The following CMTM4 variants were observed in gnomAD, a reference collection of about 807,000 sequenced individuals.
CMTM4 encodes CKLF like MARVEL transmembrane domain containing 4.
In CMTM4, 8 loss-of-function variants were observed where a neutral mutation model predicts 19.0. The observed-to-expected ratio is 0.42, with a 90% confidence interval of 0.25 to 0.76. The LOEUF (loss-of-function observed/expected upper bound fraction) is 0.76, where lower values mean the gene tolerates loss of function less well. Among genes scored for constraint, CMTM4 ranks in the 30% least tolerant of loss-of-function variants. The probability of loss-of-function intolerance (pLI) is 0.27; values close to 1 mark genes in which losing one functional copy is unlikely to be tolerated. For synonymous variants in CMTM4, 106 were observed against 121.1 expected (o/e 0.88, Z 0.82); for missense variants, 228 against 290.2 (o/e 0.79, Z 1.56).
rs1490926690 is a variant in CMTM4 at position 66,616,022 on chromosome 16, G to T, written c.*6036C>A. ...CAGAGAGGAAAGAGGAATAGCCAGG[G>T]AATTTTTTTTGTTTTTTTTCTTCTT... On this transcript the variant is annotated 3_prime_UTR_variant, in exon 4 of 4. Coordinates refer to ENST00000394106, the MANE Select transcript of CMTM4 (RefSeq NM_181521.3). The T allele has an allele frequency of 6.6e-6, 1 of 151,180 alleles. No homozygotes were observed. Among genetic ancestry groups the T allele is most frequent in the Non-Finnish European group, 1.5e-5 (1 of 67,856 alleles). 9.4% of individuals were successfully genotyped at this position (151,180 alleles called of 1,614,324 possible).
At chr16:66,612,517 T>C, downstream of CMTM4, 1 of 1,382,548 alleles carries the variant, frequency 7.2e-7, no homozygotes, top group Non-Finnish European at 1.0e-6. The surrounding 1 kb of genome is among the most constrained non-coding windows in gnomAD (Gnocchi z 6.0). Flanking sequence ...CCCAGGCTCC[T>C]GCCAGCAACC....
the CMTM4 span, among the ~76,000 whole-genome samples, chr16:66,601,641 C>A: frequency 2.6e-5 from 4 of 152,256 alleles, no homozygotes; most frequent in Admixed American, 2.6e-4. Flanking sequence ...GGACTTGCCC[C>A]CTTCCACCCA....
the CMTM4 span, among the ~76,000 whole-genome samples, chr16:66,602,227 T>A: frequency 6.6e-6 from 1 of 152,130 alleles, no homozygotes. Context: ...CAAAACCCTG[T>A]CTCTACTAAA....
At chr16:66,683,181 G>GTA (rs1555502520) in intron 1 of CMTM4, among the ~76,000 whole-genome samples, 10 of 124,412 alleles carry the variant, frequency 8.0e-5, no homozygotes, top group East Asian at 2.6e-4. Context: ...ATATACATAT[G>GTA]TATATATATA....
the CMTM4 span, chr16:66,608,554 T>C: frequency 1.5e-5 from 20 of 1,341,368 alleles, no homozygotes; most frequent in South Asian, 2.5e-4. This position sits in a 1 kb window ranked among gnomAD's most constrained non-coding sequence, Gnocchi z 5.1. Flanking sequence ...CCTTATCCTT[T>C]CTCTAGTGTG....
At chr16:66,651,992 G>A (rs1045676424) in intron 1 of CMTM4, among the ~76,000 whole-genome samples, 10 of 152,326 alleles carry the variant, frequency 6.6e-5, no homozygotes, top group Non-Finnish European at 1.5e-4. Context: ...CAGTGCCCAA[G>A]CTAGGACCTG....
Position 66,622,683 on chromosome 16 carries a change from T to G in CMTM4, c.463-461A>C, listed in dbSNP as rs989800528. Among the ~76,000 whole-genome samples, 22 of 152,200 alleles carry G rather than the reference T, an allele frequency of 1.4e-4. No homozygotes were observed. Among genetic ancestry groups the G allele is most frequent in the African/African-American group, 4.3e-4 (18 of 41,446 alleles). On this transcript the variant is annotated intron_variant, in intron 3 of 3. Transcript: ENST00000394106. The surrounding 1 kb of genome is among the most constrained non-coding windows in gnomAD (Gnocchi z 4.0). ...ATAGACAGAAAATCAGGGTTTCGCA[T>G]GTGGGTCCCAAATCAAGCCACAGGG... is the stretch of plus-strand genomic sequence containing the variant.
chr16:66,672,713 G>A lies in CMTM4; in HGVS notation c.186+23627C>T, dbSNP rs566860132. Among the ~76,000 whole-genome samples, 133 of 151,818 alleles carry A rather than the reference G, an allele frequency of 8.8e-4. 1 individual carries two copies. Among genetic ancestry groups the A allele is most frequent in the African/African-American group, 2.6e-3 (107 of 41,440 alleles). On this transcript the variant is annotated intron_variant, in intron 1 of 3. Transcript: ENST00000394106. Reference sequence around the variant, plus strand: ...CAACCTCAGCCTCCCCGGTTCAAGCGATTCTCCTGCCTCAGCCTCCCAAGA... The same window carrying A: ...CAACCTCAGCCTCCCCGGTTCAAGCAATTCTCCTGCCTCAGCCTCCCAAGA...
chr16:66,676,800 C>T (rs1044932602), intron 1 of CMTM4, among the ~76,000 whole-genome samples: 6 of 152,238 alleles, frequency 3.9e-5, no homozygotes, highest in African/African-American at 9.6e-5. Context: ...CAGAAGAAAA[C>T]TGGGCCTCTG....
At chr16:66,693,053 G>A (rs990041631) in intron 1 of CMTM4, among the ~76,000 whole-genome samples, 13 of 151,342 alleles carry the variant, frequency 8.6e-5, no homozygotes, top group Non-Finnish European at 1.5e-4. Context: ...ACGAAACCCC[G>A]TCTCCACTAA....
In CMTM4 at chr16:66,696,254, A is replaced by T. The variant is rs1248360720; in HGVS notation, c.186+86T>A. The T allele has an allele frequency of 2.0e-6, 2 of 979,394 alleles. No homozygotes were observed. Among genetic ancestry groups the T allele is most frequent in the Non-Finnish European group, 2.7e-6 (2 of 753,836 alleles). 60.7% of individuals were successfully genotyped at this position (979,394 alleles called of 1,614,324 possible). On this transcript the variant is annotated intron_variant, in intron 1 of 3. Coordinates refer to ENST00000394106, the MANE Select transcript of CMTM4 (RefSeq NM_181521.3). This position sits in a 1 kb window ranked among gnomAD's most constrained non-coding sequence, Gnocchi z 4.3. ...CGGGCTCCGGCCTGGGCAAGCGGGT[A>T]CGCGGCGGAGGCCCCGCAGCGGGGC... is the stretch of plus-strand genomic sequence containing the variant.
downstream of CMTM4, chr16:66,612,533 G>A: frequency 1.3e-6 from 2 of 1,503,244 alleles, no homozygotes; most frequent in Non-Finnish European, 1.8e-6. This position sits in a 1 kb window ranked among gnomAD's most constrained non-coding sequence, Gnocchi z 6.0. Context: ...CAACCCAGCT[G>A]TGCTTCCCCA....
At chr16:66,669,438 C>T (rs184168239) in intron 1 of CMTM4, among the ~76,000 whole-genome samples, 1 of 144,186 alleles carries the variant, frequency 6.9e-6, no homozygotes. Flanking sequence ...TACTGTACAC[C>T]AAAAAAAGTC....
chr16:66,632,808 C>T (rs1181090469), intron 2 of CMTM4, among the ~76,000 whole-genome samples: 1 of 152,110 alleles, frequency 6.6e-6, no homozygotes, highest in African/African-American at 2.4e-5. Context: ...TATCGCCAGG[C>T]ACGGTGGGTC....
In CMTM4 at chr16:66,621,370, A is replaced by G. The variant is rs2015631276; in HGVS notation, c.*688T>C. 4 of 985,744 alleles carry G rather than the reference A, an allele frequency of 4.1e-6. No homozygotes were observed. Among genetic ancestry groups the G allele is most frequent in the Non-Finnish European group, 4.8e-6 (4 of 829,932 alleles). The allele number at this position is 985,744 out of a possible 1,614,324, so 61.1% of individuals were successfully genotyped here. ...GAAACTGGAAAACAAGATAGTCCCC[A>G]TAACAAGATGGCCCCCATATTCCTG... On this transcript the variant is annotated 3_prime_UTR_variant, in exon 4 of 4. Coordinates refer to ENST00000394106, the MANE Select transcript of CMTM4 (RefSeq NM_181521.3).
chr16:66,600,473 G>T, the CMTM4 span, among the ~76,000 whole-genome samples: 1 of 152,048 alleles, frequency 6.6e-6, no homozygotes, highest in Non-Finnish European at 1.5e-5. Context: ...AACACCAATG[G>T]GAACCAGATT....
At chr16:66,662,515 T>C (rs79618983) in intron 1 of CMTM4, among the ~76,000 whole-genome samples, 1 of 152,166 alleles carries the variant, frequency 6.6e-6, no homozygotes, top group Non-Finnish European at 1.5e-5. Context: ...ACTTTTTTTT[T>C]CCTTCATTCT....
the CMTM4 span, among the ~76,000 whole-genome samples, chr16:66,603,294 T>A: frequency 1.3e-5 from 2 of 152,088 alleles, no homozygotes. Flanking sequence ...TTTATTTTTT[T>A]TTTTATTTTT....
chr16:66,649,459 C>CATCCATCT (rs1555500123), intron 1 of CMTM4, among the ~76,000 whole-genome samples: 1 of 149,386 alleles, frequency 6.7e-6, no homozygotes, highest in Non-Finnish European at 1.5e-5. Context: ...TCTATCTATC[C>CATCCATCT]ATCTATCTAT....
Sources: gnomAD v4.1 joint callset for allele counts (sites outside exome capture counted in the v4.1 genomes callset) on GRCh38, gnomAD v4.1.1 for gene constraint, Gnocchi (gnomAD v3.1) non-coding constraint, MANE v1.5 for transcripts, NCBI Gene and HGNC (gene_info 2026-07-23, HGNC 2026-07-21) for gene names.